The following ELOVL6 variants were observed in gnomAD, a reference collection of about 807,000 sequenced individuals.
ELOVL6 encodes the protein ELOVL fatty acid elongase 6.
Under a neutral mutation model 31.7 loss-of-function variants are expected in ELOVL6, and 8 were observed. The ratio of observed to expected loss-of-function variants is 0.25; its 90% CI spans 0.15 to 0.45. The LOEUF is 0.45. Among genes scored for constraint, ELOVL6 ranks in the 20% least tolerant of loss-of-function variants. The pLI is 1.00. For missense variants in ELOVL6, 126 were observed against 326.4 expected, an observed-to-expected ratio of 0.39 and a Z score of 4.73; for synonymous variants, 101 against 117.7, an observed-to-expected ratio of 0.86 and a Z score of 0.92.
intron 1 of ELOVL6, among the ~76,000 whole-genome samples, chr4:110,129,210 G>C (rs1757596985): frequency 6.6e-6 from 1 of 152,076 alleles, no homozygotes; most frequent in Admixed American, 6.5e-5. Flanking sequence ...AATTGTTATT[G>C]TTTTATATAT....
At chr4:110,169,810 T>C (rs1393983896) in intron 1 of ELOVL6, among the ~76,000 whole-genome samples, 3 of 149,186 alleles carry the variant, frequency 2.0e-5, no homozygotes, top group Non-Finnish European at 3.0e-5. Context: ...TTTCTTTCTT[T>C]TTTTTTTTTT....
intron 1 of ELOVL6, among the ~76,000 whole-genome samples, chr4:110,110,400 GATTTTT>G (rs1487910058): frequency 4.1e-5 from 5 of 121,036 alleles, no homozygotes; most frequent in Non-Finnish European, 6.5e-5. Context: ...TTTTTCCGCA[GATTTTT>G]TTTTTTTTTT....
chr4:110,192,101 A>G lies in ELOVL6; in HGVS notation c.89+6146T>C, dbSNP rs145078183. The stretch of plus-strand genomic sequence containing the variant: ...GCTACTCAGGAGGTTGAGGTAGGAG[A>G]ATCACTTGAACCCAGGAGGCAGAGG... On this transcript the variant is annotated intron_variant, in intron 1 of 3. Coordinates refer to ENST00000302274, the MANE Select transcript of ELOVL6 (RefSeq NM_024090.3). Among the ~76,000 whole-genome samples the G allele has an allele frequency of 8.3e-3, 1,254 of 151,880 alleles. 11 individuals carry two copies. Among genetic ancestry groups the G allele is most frequent in the African/African-American group, 0.028 (1,177 of 41,390 alleles).
At chr4:110,146,803 A>T (rs965474011) in intron 1 of ELOVL6, 3 of 152,342 alleles carry the variant, frequency 2.0e-5, no homozygotes, top group Non-Finnish European at 4.4e-5. Context: ...CAGCCTGGCC[A>T]ACCTGAGAAA....
intron 1 of ELOVL6, among the ~76,000 whole-genome samples, chr4:110,114,701 C>A (rs571541388): frequency 2.6e-5 from 4 of 152,062 alleles, no homozygotes; most frequent in Non-Finnish European, 5.9e-5. Flanking sequence ...CCTAAAGAAG[C>A]CTAGGACGTC....
rs2126216878 is a variant in ELOVL6, at chr4:110,046,691, G to A, written c.*4647C>T. 6.6e-6 allele frequency: 1 copy of A among 152,348 alleles called. No individual in the cohort carries two copies. The highest frequency in any genetic ancestry group is 1.9e-4 in the East Asian group (1 of 5,186). 9.4% of individuals were successfully genotyped at this position (152,348 alleles called of 1,614,324 possible). ...GAGTTGTGCCATATGGCTCGCAGAT[G>A]TTTATAACTGGAGTCTGTCACAACA... On this transcript the variant is annotated 3_prime_UTR_variant, in exon 4 of 4. Coordinates refer to ENST00000302274, the MANE Select transcript of ELOVL6 (RefSeq NM_024090.3).
chr4:110,190,654 G>A lies in ELOVL6; in HGVS notation c.89+7593C>T, dbSNP rs1350928483. On this transcript the variant is annotated intron_variant, in intron 1 of 3. Coordinates refer to ENST00000302274, the MANE Select transcript of ELOVL6 (RefSeq NM_024090.3). The stretch of plus-strand genomic sequence containing the variant: ...GGAGTAGCTGGGATTACAGGCGCCC[G>A]CCACCACGCCCGGCTAATTTTTGTA... 1.1e-4 allele frequency among the ~76,000 whole-genome samples: 16 copies of A among 151,936 alleles called. 1 individual carries two copies. Among genetic ancestry groups the A allele is most frequent in the Admixed American group, 9.8e-4 (15 of 15,242 alleles).
rs79075363 is a variant in ELOVL6, at chr4:110,196,344, T to A, written c.89+1903A>T. On this transcript the variant is annotated intron_variant, in intron 1 of 3. Coordinates refer to ENST00000302274, the MANE Select transcript of ELOVL6 (RefSeq NM_024090.3). ...GGGCCCGAACAGGCCGGCTGGAGGA[T>A]ATGACAAACATGTGCGGAGAAGACC... 3.1e-3 allele frequency among the ~76,000 whole-genome samples: 468 copies of A among 152,216 alleles called. 1 individual carries two copies. Among genetic ancestry groups the A allele is most frequent in the African/African-American group, 0.011 (454 of 41,546 alleles).
At position 110,081,534 on chromosome 4, in the gene ELOVL6, A is replaced by G. The variant is rs1003807872; in HGVS notation, c.222-21780T>C. The stretch of plus-strand genomic sequence containing the variant: ...ATAAATGGTGCTGGGAAAACTGGCT[A>G]GTCATATGTATAAAGCTGAAACTGG... On this transcript the variant is annotated intron_variant, in intron 2 of 3. Transcript: ENST00000302274. Among the ~76,000 whole-genome samples, 139 of 152,174 alleles carry G rather than the reference A, an allele frequency of 9.1e-4. 5 individuals carry two copies. In the South Asian group the frequency reaches 0.028, roughly 31 times the overall value.
At chr4:110,147,545 C>T (rs1270846079) in intron 1 of ELOVL6, among the ~76,000 whole-genome samples, 4 of 152,260 alleles carry the variant, frequency 2.6e-5, no homozygotes. Context: ...AGGGAACTAA[C>T]ATCCAGAATT....
At chr4:110,099,917 T>C (rs1050744857) in intron 2 of ELOVL6, among the ~76,000 whole-genome samples, 1 of 152,230 alleles carries the variant, frequency 6.6e-6, no homozygotes, top group Admixed American at 6.5e-5. Flanking sequence ...CATATCAAAG[T>C]TGGATAACTT....
At chr4:110,120,262 C>A (rs961562700) in intron 1 of ELOVL6, among the ~76,000 whole-genome samples, 5 of 151,292 alleles carry the variant, frequency 3.3e-5, no homozygotes, top group Non-Finnish European at 5.9e-5. Flanking sequence ...TTTGTCAAGA[C>A]TGATTTACTA....
At chr4:110,166,133 G>A (rs998384630) in intron 1 of ELOVL6, among the ~76,000 whole-genome samples, 30 of 152,274 alleles carry the variant, frequency 2.0e-4, no homozygotes, top group African/African-American at 5.8e-4. Flanking sequence ...GCTATCAAGT[G>A]AGATCCTAGA....
rs1406014078 is a variant in ELOVL6, at chr4:110,051,505, C to T, written c.631G>A (p.Val211Met). 2 of 1,614,204 alleles carry T rather than the reference C, an allele frequency of 1.2e-6. No homozygotes were observed. The highest frequency in any genetic ancestry group is 1.7e-6 in the Non-Finnish European group (2 of 1,180,020). Residue 211 changes from valine to methionine, a missense_variant, in exon 4 of 4, where the codon GTG becomes ATG. Physicochemically the swap from Val to Met is conservative, Grantham distance 21. Around this residue, in one of 3 missense-constraint regions of ELOVL6, gnomAD observed 57 missense variants for 110.2 expected, o/e 0.52. Transcript: ENST00000302274. This position sits in a 1 kb window ranked among gnomAD's most constrained non-coding sequence, Gnocchi z 4.8. ...CAGCAGAAGACCAGGTAGTTAACCA[C>T]ACAGCCCATCAGCATCTGAGTGATC... is the stretch of plus-strand genomic sequence containing the variant. ...SQITQMLMGCVVNYLVFCWMQ... is the reference protein window; with the variant it reads ...SQITQMLMGCMVNYLVFCWMQ...
intron 1 of ELOVL6, among the ~76,000 whole-genome samples, chr4:110,109,776 T>TA (rs1445821276): frequency 1.3e-5 from 2 of 152,238 alleles, no homozygotes; most frequent in African/African-American, 2.4e-5. Flanking sequence ...CAAACTAGTT[T>TA]ATTTGCTAAT....
At chr4:110,196,651 C>T (rs989923921) in intron 1 of ELOVL6, among the ~76,000 whole-genome samples, 1 of 152,164 alleles carries the variant, frequency 6.6e-6, no homozygotes, top group Non-Finnish European at 1.5e-5. Flanking sequence ...GCTGCACTTC[C>T]AGTCCTTCCG....
chr4:110,066,637 C>CAAAAA (rs1209180349), intron 2 of ELOVL6, among the ~76,000 whole-genome samples: 1 of 56,560 alleles, frequency 1.8e-5, no homozygotes, highest in African/African-American at 5.0e-5. Context: ...TCTGTCTCAA[C>CAAAAA]AAAAAAAAAA....
intron 2 of ELOVL6, among the ~76,000 whole-genome samples, chr4:110,082,662 T>A (rs927195088): frequency 6.6e-6 from 1 of 152,038 alleles, no homozygotes; most frequent in Non-Finnish European, 1.5e-5. Context: ...AGTTAATGGG[T>A]GCAGCACACC....
At chr4:110,088,348 C>T (rs868806053) in intron 2 of ELOVL6, among the ~76,000 whole-genome samples, 6 of 152,176 alleles carry the variant, frequency 3.9e-5, no homozygotes, top group Non-Finnish European at 7.3e-5. Context: ...ACTCCTCTTA[C>T]CCAACGGGGA....
Sources: allele counts gnomAD v4.1 joint callset (sites outside exome capture counted in the v4.1 genomes callset), GRCh38; gene constraint gnomAD v4.1.1; regional missense constraint gnomAD v4.1.1; non-coding constraint Gnocchi (gnomAD v3.1); transcripts MANE v1.5; gene names NCBI Gene and HGNC (gene_info 2026-07-23, HGNC 2026-07-21).